SSX3: variants seen among roughly 807,000 people sequenced by gnomAD.
The protein encoded by SSX3 is SSX family member 3.
Under a neutral mutation model 14.8 loss-of-function variants are expected in SSX3, and 6 were observed. The observed-to-expected ratio is 0.41, with a 90% CI of 0.22 to 0.80. The LOEUF (loss-of-function observed/expected upper bound fraction) is 0.80, where lower values mean the gene tolerates loss of function less well. Among genes scored for constraint, SSX3 ranks in the 30% least tolerant of loss-of-function variants. The pLI, the probability that SSX3 is intolerant of heterozygous loss-of-function variation, is 0.34. For missense variants in SSX3, 163 were observed against 152.2 expected, an observed-to-expected ratio of 1.07 and a Z score of -0.37; for synonymous variants, 55 against 52.9, an observed-to-expected ratio of 1.04 and a Z score of -0.18.
chrX:48,355,721 G>A (rs782637726), intron 1 of SSX3, among the ~76,000 whole-genome samples: 133 of 111,488 alleles, frequency 1.2e-3, no homozygotes, highest in African/African-American at 4.0e-3. Flanking sequence ...TCAGGCAGAG[G>A]GATGGGGGGT....
chrX:48,349,440 AT>A (rs2061252116), intron 6 of SSX3: 2 of 978,570 alleles, frequency 2.0e-6, no homozygotes, highest in Middle Eastern at 4.0e-4. Context: ...AGGTATATAC[AT>A]TTTTAGACAT....
rs186907057 is a variant in SSX3, at chrX:48,352,046, G to A, written c.330+54C>T. The A allele has an allele frequency of 3.6e-5, 42 of 1,169,594 alleles. No individual in the cohort carries two copies. In the Admixed American group the frequency reaches 7.5e-4, roughly 21 times the overall value. On this transcript the variant is annotated intron_variant, in intron 5 of 7. Transcript: ENST00000298396. The stretch of plus-strand genomic sequence containing the variant: ...TATTCTCCCACTCTTACCAGTGTTC[G>A]CATCCTTGGAGGGACAAAGGTTCTC...
At chrX:48,354,365 G>T (rs1408663237) in intron 3 of SSX3, among the ~76,000 whole-genome samples, 1 of 108,311 alleles carries the variant, frequency 9.2e-6, no homozygotes, top group Non-Finnish European at 1.9e-5. Flanking sequence ...ATGGTTGCCG[G>T]GATGCCACAG....
intron 6 of SSX3, chrX:48,348,550 C>G (rs1432600633): frequency 4.4e-6 from 2 of 452,697 alleles, no homozygotes; most frequent in Non-Finnish European, 8.0e-6. Flanking sequence ...CTCTAAATCA[C>G]AAGCTAGAAA....
At chrX:48,351,605 C>G (rs782373055) in intron 5 of SSX3, among the ~76,000 whole-genome samples, 1 of 112,408 alleles carries the variant, frequency 8.9e-6, no homozygotes, top group South Asian at 3.7e-4. Flanking sequence ...GATTAGACTA[C>G]CACTGACACT....
intron 1 of SSX3, among the ~76,000 whole-genome samples, chrX:48,355,854 T>A (rs1164464400): frequency 3.6e-5 from 4 of 111,818 alleles, no homozygotes; most frequent in African/African-American, 1.3e-4. Context: ...GAGCCCGCCA[T>A]CACTTAGAGA....
rs192145445 is a variant in SSX3 at position 48,347,040 on chromosome X, G to A, written c.*5-5C>T. ...GCATGTGTCATATCCCCAAGGCTGA[G>A]GCAAGAAGAGAGAAGGAAAGTAAGT... On this transcript the variant is annotated splice_region_variant and splice_polypyrimidine_tract_variant and intron_variant, in intron 7 of 7. Coordinates refer to ENST00000298396, the MANE Select transcript of SSX3 (RefSeq NM_021014.4). 1.1e-4 allele frequency: 137 copies of A among 1,196,362 alleles called. No individual in the cohort carries two copies. The African/African-American group carries it at 2.3e-3, about 20-fold the overall frequency.
intron 4 of SSX3, among the ~76,000 whole-genome samples, chrX:48,352,693 G>A (rs1366459805): frequency 8.9e-6 from 1 of 112,427 alleles, no homozygotes; most frequent in Non-Finnish European, 1.9e-5. Flanking sequence ...AATCTGGCCT[G>A]TTTAGTTGGC....
At chrX:48,353,782 A>G (rs2061273176) in intron 4 of SSX3, among the ~76,000 whole-genome samples, 1 of 110,710 alleles carries the variant, frequency 9.0e-6, no homozygotes, top group African/African-American at 3.3e-5. Context: ...TACATTTACC[A>G]TTTACTTATT....
intron 4 of SSX3, among the ~76,000 whole-genome samples, chrX:48,352,864 T>A (rs782664159): frequency 1.3e-4 from 15 of 112,317 alleles, no homozygotes; most frequent in Non-Finnish European, 2.1e-4. Context: ...CTATGTTATC[T>A]CTGTTCTCTG....
chrX:48,349,657 G>A, intron 6 of SSX3: 1 of 1,191,670 alleles, frequency 8.4e-7, no homozygotes, highest in Admixed American at 2.4e-5. Context: ...AATCGCTTGA[G>A]CACCTTTCAT....
rs1330120978 is a variant in SSX3, at chrX:48,355,072, C to G, written c.69+109G>C. On this transcript the variant is annotated intron_variant, in intron 2 of 7. Coordinates refer to ENST00000298396, the MANE Select transcript of SSX3 (RefSeq NM_021014.4). ...AGGCTCCCAAGGGTCCAGATCTCCC[C>G]TGAGACCCTGCTCCTTGTCTCCAGT... 2.7e-5 allele frequency: 33 copies of G among 1,202,139 alleles called. No individual in the cohort carries two copies. The African/African-American group carries it at 5.4e-4, about 20-fold the overall frequency.
At chrX:48,348,683 G>T (rs34451946) in intron 6 of SSX3, among the ~76,000 whole-genome samples, 2,378 of 112,268 alleles carry the variant, frequency 0.021, 68 homozygotes, top group African/African-American at 0.073. Context: ...AGTATATAAT[G>T]CAAAGGAAAA....
intron 5 of SSX3, among the ~76,000 whole-genome samples, chrX:48,350,943 G>C (rs1158885286): frequency 9.2e-6 from 1 of 109,147 alleles, no homozygotes; most frequent in Non-Finnish European, 1.9e-5. Flanking sequence ...ACTAAGTTTT[G>C]TATTTTTAGT....
Position 48,346,594 on chromosome X carries a change from T to C in SSX3, c.*446A>G. 3.4e-6 allele frequency: 1 copy of C among 291,284 alleles called. No individual in the cohort carries two copies. The highest frequency in any genetic ancestry group is 4.3e-5 in the South Asian group (1 of 23,140). 24.0% of individuals were successfully genotyped at this position (291,284 alleles called of 1,213,427 possible). On this transcript the variant is annotated 3_prime_UTR_variant, in exon 8 of 8. Coordinates refer to ENST00000298396, the MANE Select transcript of SSX3 (RefSeq NM_021014.4). ...CTGGTACTTGGTGTGTGTCTGTGTG[T>C]GTGTGTGTGTGTGTGTGGTGTGGTT...
intron 6 of SSX3, 48 bp downstream of exon 6, chrX:48,349,939 C>A (rs781909335): frequency 2.5e-6 from 3 of 1,208,585 alleles, no homozygotes; most frequent in Admixed American, 2.2e-5. Flanking sequence ...CACACCTGAA[C>A]GTCGCCAGGG....
In SSX3 at chrX:48,350,036, C is replaced by G. The variant is rs1556949305; in HGVS notation, c.417G>C (p.Leu139=). Reference sequence around the variant, plus strand: ...AGGTAGTTGGTTTTCCCGGGGGGCACAGCTGTTTCCCATCGTTTTGTGGGC... The same window carrying G: ...AGGTAGTTGGTTTTCCCGGGGGGCAGAGCTGTTTCCCATCGTTTTGTGGGC... The part of the protein sequence containing the change: ...ASGPQNDGKQ[L]CPPGKPTTSE... Residue 139 remains leucine, a synonymous_variant, in exon 6 of 8, where the codon CTG becomes CTC. Transcript: ENST00000298396. 8.3e-7 allele frequency: 1 copy of G among 1,211,826 alleles called. No individual in the cohort carries two copies. Among genetic ancestry groups the G allele is most frequent in the East Asian group, 3.0e-5 (1 of 33,844 alleles).
In SSX3 at chrX:48,349,467, TTAG is replaced by T. The variant is rs1294430616; in HGVS notation, c.466+517_466+519del. The T allele has an allele frequency of 1.5e-5, 17 of 1,134,621 alleles. No homozygotes were observed. The African/African-American group carries it at 2.9e-4, about 19-fold the overall frequency. 93.5% of individuals were successfully genotyped at this position (1,134,621 alleles called of 1,213,427 possible). ...TTTTAGACATAATGCTATTGCACAC[TTAG>T]TAGACTACACTGTAGTGTAAACATA... is the stretch of plus-strand genomic sequence containing the variant. On this transcript the variant is annotated intron_variant, in intron 6 of 7. Transcript: ENST00000298396.
At chrX:48,353,287 C>G in intron 4 of SSX3, among the ~76,000 whole-genome samples, 1 of 110,927 alleles carries the variant, frequency 9.0e-6, no homozygotes, top group Non-Finnish European at 1.9e-5. Flanking sequence ...AACATTACCC[C>G]ACAGCTAAGT....
Sources: gnomAD v4.1 joint callset for allele counts (sites outside exome capture counted in the v4.1 genomes callset) on GRCh38, gnomAD v4.1.1 for gene constraint, MANE v1.5 for transcripts, NCBI Gene and HGNC (gene_info 2026-07-23, HGNC 2026-07-21) for gene names.